DCP1A: variants seen among roughly 807,000 people sequenced by gnomAD.
DCP1A encodes the protein mRNA-decapping enzyme 1A.
In DCP1A, 20 loss-of-function variants were observed where a neutral mutation model predicts 58.0. That is an observed-to-expected ratio of 0.34 (90% CI 0.24 to 0.50). The LOEUF is 0.50. Ranked by LOEUF, DCP1A falls within the 20% of genes least tolerant of loss-of-function variation. The pLI, the probability that DCP1A is intolerant of heterozygous loss-of-function variation, is 0.98. For missense variants in DCP1A, 613 were observed against 712.2 expected, an observed-to-expected ratio of 0.86 and a Z score of 1.59; for synonymous variants, 285 against 275.1, an observed-to-expected ratio of 1.04 and a Z score of -0.36.
At chr3:53,315,528 C>CT (rs1707775512) in intron 4 of DCP1A, among the ~76,000 whole-genome samples, 1 of 104,360 alleles carries the variant, frequency 9.6e-6, no homozygotes, top group South Asian at 3.6e-4. Context: ...GAGCAAGACT[C>CT]TGTCTCAAAA....
intron 3 of DCP1A, among the ~76,000 whole-genome samples, chr3:53,320,768 CT>C (rs535337667): frequency 2.0e-5 from 3 of 152,184 alleles, no homozygotes; most frequent in Non-Finnish European, 2.9e-5. Flanking sequence ...CCAAATCCAC[CT>C]TGCTCTGGCC....
chr3:53,306,336 T>A (rs889559581), intron 5 of DCP1A, among the ~76,000 whole-genome samples: 1 of 152,210 alleles, frequency 6.6e-6, no homozygotes, highest in African/African-American at 2.4e-5. Context: ...AACCCCATTA[T>A]GTGGAATGCT....
intron 3 of DCP1A, among the ~76,000 whole-genome samples, chr3:53,336,845 G>GATTGATTT (rs150269227): frequency 1.3e-3 from 181 of 144,296 alleles, no homozygotes; most frequent in African/African-American, 3.7e-3. Context: ...CCAAAGCCCA[G>GATTGATTT]ATTTATTTAT....
At chr3:53,337,783 G>C (rs1490386527) in intron 3 of DCP1A, among the ~76,000 whole-genome samples, 3 of 152,248 alleles carry the variant, frequency 2.0e-5, no homozygotes, top group South Asian at 4.1e-4. Flanking sequence ...TAGCACATGA[G>C]CTCATGCTGA....
intron 5 of DCP1A, among the ~76,000 whole-genome samples, chr3:53,309,630 G>A (rs186215893): frequency 5.2e-4 from 79 of 152,232 alleles, no homozygotes; most frequent in Non-Finnish European, 9.0e-4. Flanking sequence ...CAAGCATGGT[G>A]ATGCATGGCC....
In DCP1A at chr3:53,318,432, A is replaced by T. The variant is rs562283948; in HGVS notation, c.371+975T>A. Reference sequence around the variant, plus strand: ...AGAGCAAAAGGAATTTTGATTTGACAGATGGGGATGGTGGAGGGGGGAGAG... The same window carrying T: ...AGAGCAAAAGGAATTTTGATTTGACTGATGGGGATGGTGGAGGGGGGAGAG... On this transcript the variant is annotated intron_variant, in intron 4 of 9. Transcript: ENST00000610213. Among the ~76,000 whole-genome samples the T allele has an allele frequency of 2.0e-5, 3 of 152,362 alleles. No homozygotes were observed. In the South Asian group the frequency reaches 6.2e-4, roughly 32 times the overall value.
chr3:53,302,795 G>A (rs782273390), intron 6 of DCP1A, among the ~76,000 whole-genome samples: 1 of 151,886 alleles, frequency 6.6e-6, no homozygotes, highest in African/African-American at 2.4e-5. Context: ...GGCTAATTTT[G>A]TATTTTTAGT....
At chr3:53,318,136 T>C (rs181601926) in intron 4 of DCP1A, among the ~76,000 whole-genome samples, 1 of 152,214 alleles carries the variant, frequency 6.6e-6, no homozygotes, top group East Asian at 1.9e-4. Flanking sequence ...AGACCCTATC[T>C]CTACCCACCC....
Position 53,312,309 on chromosome 3 carries a change from C to T in DCP1A, c.442G>A (p.Gly148Ser). The T allele has an allele frequency of 6.2e-7, 1 of 1,613,528 alleles. No individual in the cohort carries two copies. The highest frequency in any genetic ancestry group is 8.5e-7 in the Non-Finnish European group (1 of 1,179,738). ...RDKQSPSQAN[G>S]CSDHRPIDIL... Reference sequence around the variant, plus strand: ...TCGATGGGCCTGTGGTCGCTGCAGCCATTGGCCTGGCTGGGACTCTGTTTG... The same window carrying T: ...TCGATGGGCCTGTGGTCGCTGCAGCTATTGGCCTGGCTGGGACTCTGTTTG... Residue 148 changes from glycine to serine, a missense_variant, in exon 5 of 10, where the codon GGC becomes AGC. Transcript: ENST00000610213.
chr3:53,293,933 C>G (rs539301928), intron 6 of DCP1A, among the ~76,000 whole-genome samples: 7 of 152,144 alleles, frequency 4.6e-5, no homozygotes, highest in African/African-American at 1.7e-4. Context: ...ACCGGACCCC[C>G]GCACACACAC....
At chr3:53,336,098 C>A (rs1217643464) in intron 3 of DCP1A, among the ~76,000 whole-genome samples, 2 of 150,738 alleles carry the variant, frequency 1.3e-5, no homozygotes, top group South Asian at 2.1e-4. Context: ...CTGTGCCTGG[C>A]AGCATTTTAT....
chr3:53,287,494 A>G lies in DCP1A; in HGVS notation c.*86T>C. The G allele has an allele frequency of 2.3e-6, 2 of 859,920 alleles. No homozygotes were observed. The highest frequency in any genetic ancestry group is 3.2e-5 in the South Asian group (2 of 61,576). 53.3% of individuals were successfully genotyped at this position (859,920 alleles called of 1,614,324 possible). ...ATAGGCTCAATTTCAGGATTCTCAAACTCAATGTTCTGCTCAGAAGTTTCC... is the reference window on the plus strand; with the variant it reads ...ATAGGCTCAATTTCAGGATTCTCAAGCTCAATGTTCTGCTCAGAAGTTTCC... On this transcript the variant is annotated 3_prime_UTR_variant, in exon 10 of 10. Transcript: ENST00000610213.
At chr3:53,317,306 C>T (rs1344904781) in intron 4 of DCP1A, among the ~76,000 whole-genome samples, 1 of 152,186 alleles carries the variant, frequency 6.6e-6, no homozygotes, top group Non-Finnish European at 1.5e-5. Context: ...GCTGGGATTA[C>T]AGGCATGCAC....
At chr3:53,321,854 TAGTG>T (rs1201140503) in intron 3 of DCP1A, among the ~76,000 whole-genome samples, 1 of 152,190 alleles carries the variant, frequency 6.6e-6, no homozygotes, top group Non-Finnish European at 1.5e-5. Context: ...AACAAAAAGT[TAGTG>T]AGCTTCAGTT....
At chr3:53,337,793 A>C (rs915231053) in intron 3 of DCP1A, among the ~76,000 whole-genome samples, 12 of 152,242 alleles carry the variant, frequency 7.9e-5, no homozygotes, top group Non-Finnish European at 1.0e-4. Flanking sequence ...GCTCATGCTG[A>C]GACTTCCACT....
At position 53,283,603 on chromosome 3, in the gene DCP1A, TG is replaced by T; in HGVS notation, c.*3976del. On this transcript the variant is annotated 3_prime_UTR_variant, in exon 10 of 10. Coordinates refer to ENST00000610213, the MANE Select transcript of DCP1A (RefSeq NM_018403.7). ...TGTTAATGATACAGTATTGCGCTCATGGAACAAAAATCTTGCTGTAATTCCA... is the reference window on the plus strand; with the variant it reads ...TGTTAATGATACAGTATTGCGCTCATGAACAAAAATCTTGCTGTAATTCCA... 1.3e-5 allele frequency: 2 copies of T among 152,344 alleles called. No homozygotes were observed. Among genetic ancestry groups the T allele is most frequent in the Admixed American group, 1.3e-4 (2 of 15,300 alleles). The allele number at this position is 152,344 out of a possible 1,614,324, so 9.4% of individuals were successfully genotyped here. A position where few individuals can be genotyped will look rare whatever the true frequency, so the allele number is the denominator to read the frequency against.
chr3:53,320,255 T>C (rs782698173), intron 3 of DCP1A, among the ~76,000 whole-genome samples: 5 of 152,210 alleles, frequency 3.3e-5, no homozygotes, highest in Non-Finnish European at 5.9e-5. Context: ...GCATTTCTTA[T>C]CCCATTCTTT....
At chr3:53,294,019 G>A (rs557987404) in intron 6 of DCP1A, among the ~76,000 whole-genome samples, 457 of 152,302 alleles carry the variant, frequency 3.0e-3, no homozygotes, top group Non-Finnish European at 4.6e-3. Context: ...GGGATGAGGC[G>A]AGCTGGCTGG....
intron 3 of DCP1A, among the ~76,000 whole-genome samples, chr3:53,320,473 TCAGCATA>T (rs1333616656): frequency 1.3e-5 from 2 of 152,178 alleles, no homozygotes; most frequent in African/African-American, 4.8e-5. Flanking sequence ...ATGACACACC[TCAGCATA>T]CCTTGTACCT....
Sources: allele counts gnomAD v4.1 joint callset (sites outside exome capture counted in the v4.1 genomes callset), GRCh38; gene constraint gnomAD v4.1.1; transcripts MANE v1.5; gene names NCBI Gene and HGNC (gene_info 2026-07-23, HGNC 2026-07-21).